The following CXADR variants were observed in gnomAD, a reference collection of about 807,000 sequenced individuals.
CXADR encodes the protein coxsackievirus and adenovirus receptor.
A neutral mutation model predicts 40.3 loss-of-function variants in CXADR; 20 were observed. That is an observed-to-expected ratio of 0.50 (90% CI 0.35 to 0.72). The LOEUF (loss-of-function observed/expected upper bound fraction) is 0.72. Among genes scored for constraint, CXADR ranks in the 30% least tolerant of loss-of-function variants. The probability of loss-of-function intolerance (pLI) is 0.01; values close to 1 mark genes in which losing one functional copy is unlikely to be tolerated. For missense variants in CXADR, 332 were observed against 449.1 expected, an observed-to-expected ratio of 0.74 and a Z score of 2.36; for synonymous variants, 150 against 161.3, an observed-to-expected ratio of 0.93 and a Z score of 0.53.
intron 1 of CXADR, among the ~76,000 whole-genome samples, chr21:17,515,055 A>G (rs1454913488): frequency 2.6e-5 from 4 of 152,160 alleles, no homozygotes; most frequent in African/African-American, 9.6e-5. Flanking sequence ...TTGTGCTCAT[A>G]AGGTATACAC....
chr21:17,607,733 A>C, the CXADR span, among the ~76,000 whole-genome samples: 4 of 152,224 alleles, frequency 2.6e-5, no homozygotes, highest in Admixed American at 2.6e-4. Context: ...ATATACACAA[A>C]TAAAAGAGTA....
intron 1 of CXADR, among the ~76,000 whole-genome samples, chr21:17,540,321 G>A (rs191084052): frequency 6.6e-6 from 1 of 152,020 alleles, no homozygotes; most frequent in Non-Finnish European, 1.5e-5. Flanking sequence ...TCCCCCAAAA[G>A]TATTTTTATT....
At chr21:17,575,492 ATTT>A (rs77521268) in intron 7 of CXADR, among the ~76,000 whole-genome samples, 244 of 141,698 alleles carry the variant, frequency 1.7e-3, no homozygotes, top group African/African-American at 2.9e-3. Flanking sequence ...CAATTGTAAA[ATTT>A]TTTTTTTTTT....
At chr21:17,544,540 G>T (rs2123234246) in intron 1 of CXADR, among the ~76,000 whole-genome samples, 1 of 106,886 alleles carries the variant, frequency 9.4e-6, no homozygotes, top group Non-Finnish European at 2.2e-5. Flanking sequence ...AGCTGGTCTA[G>T]ACTAGGGCTG....
chr21:17,625,708 C>T, the CXADR span, among the ~76,000 whole-genome samples: 1,107 of 152,256 alleles, frequency 7.3e-3, 21 homozygotes, highest in African/African-American at 0.025. Context: ...AGGACATATA[C>T]CATTTGCAAA....
chr21:17,543,714 C>T (rs2060858107), intron 1 of CXADR, among the ~76,000 whole-genome samples: 1 of 152,258 alleles, frequency 6.6e-6, no homozygotes, highest in South Asian at 2.1e-4. Context: ...CTATTATGTG[C>T]AAAGAACTAC....
At chr21:17,577,492 G>A (rs992238935) in intron 7 of CXADR, among the ~76,000 whole-genome samples, 18 of 151,706 alleles carry the variant, frequency 1.2e-4, no homozygotes, top group African/African-American at 4.4e-4. Flanking sequence ...TGCATTCCTG[G>A]AGTCTTTTTC....
the CXADR span, among the ~76,000 whole-genome samples, chr21:17,602,523 GT>G: frequency 6.6e-6 from 1 of 152,098 alleles, no homozygotes; most frequent in Middle Eastern, 3.4e-3. Context: ...TTTTTCTTCT[GT>G]TAACTTATAT....
At chr21:17,550,768 TCC>T (rs1288855088) in intron 2 of CXADR, among the ~76,000 whole-genome samples, 18 of 152,358 alleles carry the variant, frequency 1.2e-4, no homozygotes, top group African/African-American at 4.1e-4. Flanking sequence ...CTCTAAAGCA[TCC>T]AGCCTTTAGT....
At chr21:17,539,837 T>A (rs1212414559) in intron 1 of CXADR, among the ~76,000 whole-genome samples, 1 of 152,230 alleles carries the variant, frequency 6.6e-6, no homozygotes, top group Admixed American at 6.5e-5. Context: ...TGAGAATTTC[T>A]GCTGAAATCA....
chr21:17,573,684 G>A (rs537885597), downstream of CXADR, among the ~76,000 whole-genome samples: 1 of 152,314 alleles, frequency 6.6e-6, no homozygotes. Flanking sequence ...CGAGGCAAGT[G>A]GATCACTTGA....
the CXADR span, among the ~76,000 whole-genome samples, chr21:17,615,309 G>A: frequency 6.6e-6 from 1 of 152,144 alleles, no homozygotes; most frequent in Non-Finnish European, 1.5e-5. Context: ...AGAAATTTCT[G>A]TTGTTTAAGC....
At chr21:17,591,621 C>T (rs112887848) in intron 7 of CXADR, among the ~76,000 whole-genome samples, 16 of 151,586 alleles carry the variant, frequency 1.1e-4, no homozygotes, top group Middle Eastern at 3.4e-3. Context: ...TTTCAAATAT[C>T]CAAGTTTAAC....
At chr21:17,597,764 A>C (rs1161188757), downstream of CXADR, among the ~76,000 whole-genome samples, 1 of 152,148 alleles carries the variant, frequency 6.6e-6, no homozygotes, top group Non-Finnish European at 1.5e-5. Context: ...AGTTACACTG[A>C]AATAATGTTC....
chr21:17,635,853 C>T, the CXADR span, among the ~76,000 whole-genome samples: 1 of 152,218 alleles, frequency 6.6e-6, no homozygotes, highest in South Asian at 2.1e-4. Flanking sequence ...ATTAGAATGC[C>T]TTGAATATAC....
chr21:17,584,870 A>T (rs1461442651), intron 7 of CXADR, among the ~76,000 whole-genome samples: 1 of 152,190 alleles, frequency 6.6e-6, no homozygotes, highest in East Asian at 1.9e-4. Flanking sequence ...AACTGACTTT[A>T]TATTTTCATG....
intron 7 of CXADR, among the ~76,000 whole-genome samples, chr21:17,578,386 C>T (rs1348743793): frequency 6.6e-6 from 1 of 152,208 alleles, no homozygotes; most frequent in African/African-American, 2.4e-5. Context: ...GTGAAATCAC[C>T]AGGTAAGAGT....
At chr21:17,599,207 A>C in the CXADR span, 1 of 189,156 alleles carries the variant, frequency 5.3e-6, no homozygotes, top group Admixed American at 5.7e-5. Flanking sequence ...GATGGGTTTC[A>C]CTCTGTTGCC....
chr21:17,547,643 T>C (rs1404311479), intron 2 of CXADR, among the ~76,000 whole-genome samples: 1 of 152,234 alleles, frequency 6.6e-6, no homozygotes, highest in African/African-American at 2.4e-5. Context: ...CTGTCAGCAG[T>C]AGAAGTGTCA....
Sources: allele counts gnomAD v4.1 joint callset (sites outside exome capture counted in the v4.1 genomes callset), GRCh38; gene constraint gnomAD v4.1.1; transcripts MANE v1.5; gene names NCBI Gene and HGNC (gene_info 2026-07-23, HGNC 2026-07-21).